The following KCNQ3 variants were observed in gnomAD, a reference collection of about 807,000 sequenced individuals.
KCNQ3 encodes potassium voltage-gated channel subfamily KQT member 3.
In KCNQ3, 30 loss-of-function variants were observed where a neutral mutation model predicts 92.5. That is an observed-to-expected ratio of 0.32 (90% CI 0.24 to 0.44). The LOEUF is 0.44. KCNQ3 is among the 20% of genes least tolerant of loss of function. KCNQ3 has a pLI of 1.00. For missense variants in KCNQ3, 913 were observed against 1,140.3 expected (o/e 0.80, Z 2.87); for synonymous variants, 450 against 468.8 (o/e 0.96, Z 0.52).
intron 1 of KCNQ3, among the ~76,000 whole-genome samples, chr8:132,407,754 A>G (rs143771610): frequency 6.6e-6 from 1 of 152,314 alleles, no homozygotes; most frequent in East Asian, 1.9e-4. Flanking sequence ...TGTAAAAAAT[A>G]CATCTTCCTG....
chr8:132,272,250 T>C (rs1169651569), intron 1 of KCNQ3, among the ~76,000 whole-genome samples: 1 of 152,224 alleles, frequency 6.6e-6, no homozygotes, highest in Non-Finnish European at 1.5e-5. Flanking sequence ...TTCCCTACCC[T>C]GCCATTGGCA....
At chr8:132,224,417 C>T (rs1814341317) in intron 1 of KCNQ3, among the ~76,000 whole-genome samples, 1 of 152,002 alleles carries the variant, frequency 6.6e-6, no homozygotes, top group South Asian at 2.1e-4. Flanking sequence ...GTGGTGGAAG[C>T]ACTGAGTGTC....
At chr8:132,406,731 G>A (rs1820493797) in intron 1 of KCNQ3, among the ~76,000 whole-genome samples, 1 of 152,126 alleles carries the variant, frequency 6.6e-6, no homozygotes, top group African/African-American at 2.4e-5. Flanking sequence ...ATAAGTCAGG[G>A]GATGTGGTAT....
intron 1 of KCNQ3, among the ~76,000 whole-genome samples, chr8:132,394,242 T>C (rs1820131832): frequency 6.6e-6 from 1 of 152,066 alleles, no homozygotes; most frequent in Non-Finnish European, 1.5e-5. Context: ...AATGCAAAGG[T>C]TGGGGGAGTT....
chr8:132,465,047 A>T (rs1258988287), intron 1 of KCNQ3, among the ~76,000 whole-genome samples: 3 of 152,198 alleles, frequency 2.0e-5, no homozygotes, highest in African/African-American at 7.2e-5. Context: ...AGAGGAATTT[A>T]AAAAAGAAAT....
intron 1 of KCNQ3, among the ~76,000 whole-genome samples, chr8:132,318,528 C>T (rs142869536): frequency 5.6e-4 from 86 of 152,336 alleles, no homozygotes; most frequent in Middle Eastern, 3.4e-3. Context: ...GCTTGTCATG[C>T]AGTTACTAGT....
At chr8:132,322,559 T>G (rs988887077) in intron 1 of KCNQ3, among the ~76,000 whole-genome samples, 6 of 152,036 alleles carry the variant, frequency 3.9e-5, no homozygotes, top group African/African-American at 1.4e-4. Context: ...TAGAGGGAGG[T>G]AGGTCCTACC....
chr8:132,478,591 C>T (rs984425177), intron 1 of KCNQ3, among the ~76,000 whole-genome samples: 4 of 151,908 alleles, frequency 2.6e-5, no homozygotes, highest in African/African-American at 9.7e-5. Context: ...ATTGTTAAGC[C>T]GTCTCTCCAA....
intron 1 of KCNQ3, among the ~76,000 whole-genome samples, chr8:132,346,281 G>C (rs1563871330): frequency 6.6e-6 from 1 of 152,272 alleles, no homozygotes; most frequent in South Asian, 2.1e-4. Flanking sequence ...GGGCTGTCAG[G>C]TTCCAAAAAA....
intron 1 of KCNQ3, among the ~76,000 whole-genome samples, chr8:132,329,438 A>C (rs185544266): frequency 9.2e-5 from 14 of 152,342 alleles, no homozygotes; most frequent in Admixed American, 3.3e-4. Context: ...TATATAGCAA[A>C]ACGTCTGCTA....
Position 132,185,914 on chromosome 8 carries a change from C to A in KCNQ3, c.477+177G>T, listed in dbSNP as rs930015338. The stretch of plus-strand genomic sequence containing the variant: ...ACCAGGAATGCCATTCTTCACCCCA[C>A]ATGTGCCCATGGCGGGCCATACCAA... On this transcript the variant is annotated intron_variant, in intron 2 of 14. Coordinates refer to ENST00000388996, the MANE Select transcript of KCNQ3 (RefSeq NM_004519.4). Among the ~76,000 whole-genome samples, 60 of 152,344 alleles carry A rather than the reference C, an allele frequency of 3.9e-4. 1 individual carries two copies. The highest frequency in any genetic ancestry group is 1.3e-3 in the African/African-American group (55 of 41,580).
chr8:132,362,891 C>T lies in KCNQ3; in HGVS notation c.386+117256G>A, dbSNP rs777233320. Among the ~76,000 whole-genome samples, 27 of 152,176 alleles carry T rather than the reference C, an allele frequency of 1.8e-4. 1 individual carries two copies. The highest frequency in any genetic ancestry group is 6.8e-3 in the Middle Eastern group (2 of 294). On this transcript the variant is annotated intron_variant, in intron 1 of 14. Coordinates refer to ENST00000388996, the MANE Select transcript of KCNQ3 (RefSeq NM_004519.4). ...AAGTCTTGTAATGGGGCGAGGGCGG[C>T]GTGGGTTGTAAACAGGGAGCAACAC...
At chr8:132,340,471 T>C (rs1049268969) in intron 1 of KCNQ3, among the ~76,000 whole-genome samples, 1 of 152,158 alleles carries the variant, frequency 6.6e-6, no homozygotes, top group Non-Finnish European at 1.5e-5. Context: ...GGGACATGGA[T>C]GAAGCTGGAA....
chr8:132,191,797 G>T (rs918561049), intron 1 of KCNQ3, among the ~76,000 whole-genome samples: 8 of 151,988 alleles, frequency 5.3e-5, no homozygotes, highest in Non-Finnish European at 8.8e-5. Flanking sequence ...TCCCATGAGA[G>T]AGCATCCTCC....
At chr8:132,425,769 G>T (rs1348690310) in intron 1 of KCNQ3, among the ~76,000 whole-genome samples, 1 of 152,176 alleles carries the variant, frequency 6.6e-6, no homozygotes, top group Non-Finnish European at 1.5e-5. Context: ...CTACTCATTT[G>T]TATTCATGGT....
intron 1 of KCNQ3, among the ~76,000 whole-genome samples, chr8:132,454,187 A>G (rs1821888853): frequency 6.6e-6 from 1 of 152,170 alleles, no homozygotes; most frequent in East Asian, 1.9e-4. Flanking sequence ...GAGCTCAGGG[A>G]GAAGGGCCCA....
intron 9 of KCNQ3, among the ~76,000 whole-genome samples, chr8:132,154,197 T>TTTTTTTTTTTTTTTTTTTG (rs1200351829): frequency 8.1e-5 from 2 of 24,688 alleles, no homozygotes; most frequent in African/African-American, 2.6e-4. Context: ...GTAAAAGTTT[T>TTTTTTTTTTTTTTTTTTTG]TTTTTTTTTT....
chr8:132,179,282 C>T (rs16904622), intron 4 of KCNQ3, among the ~76,000 whole-genome samples: 3,056 of 151,892 alleles, frequency 0.02, 107 homozygotes, highest in African/African-American at 0.069. Context: ...TGCTCAGCCA[C>T]GTGGGACTCT....
At chr8:132,188,796 C>T (rs867221858) in intron 1 of KCNQ3, among the ~76,000 whole-genome samples, 38 of 152,286 alleles carry the variant, frequency 2.5e-4, no homozygotes, top group African/African-American at 8.4e-4. Flanking sequence ...TTATGACCCA[C>T]GTGTTCACAT....
Sources: gnomAD v4.1 joint callset for allele counts (sites outside exome capture counted in the v4.1 genomes callset) on GRCh38, gnomAD v4.1.1 for gene constraint, MANE v1.5 for transcripts, NCBI Gene and HGNC (gene_info 2026-07-23, HGNC 2026-07-21) for gene names.